AGBL4: variants seen among roughly 807,000 people sequenced by gnomAD.
The protein encoded by AGBL4 is AGBL carboxypeptidase 4.
A neutral mutation model predicts 66.4 loss-of-function variants in AGBL4; 58 were observed. The ratio of observed to expected loss-of-function variants is 0.87; its 90% CI spans 0.71 to 1.09. AGBL4 has a LOEUF of 1.09. Among genes scored for constraint, AGBL4 ranks in the 50% least tolerant of loss-of-function variants. The probability of loss-of-function intolerance (pLI) is 0.00; values close to 1 mark genes in which losing one functional copy is unlikely to be tolerated. For synonymous variants in AGBL4, 234 were observed against 222.9 expected (o/e 1.05, Z -0.44); for missense variants, 579 against 631.0 (o/e 0.92, Z 0.88).
At chr1:49,952,451 T>A (rs1239340273) in intron 1 of AGBL4, among the ~76,000 whole-genome samples, 1 of 151,970 alleles carries the variant, frequency 6.6e-6, no homozygotes, top group Non-Finnish European at 1.5e-5. Flanking sequence ...TATAATTTAC[T>A]AAGGCTTGGC....
intron 3 of AGBL4, among the ~76,000 whole-genome samples, chr1:49,273,854 G>A (rs1164308633): frequency 6.6e-6 from 1 of 151,598 alleles, no homozygotes; most frequent in Admixed American, 6.6e-5. Flanking sequence ...TTTTTGTTTT[G>A]TATTTTTTTA....
At chr1:49,948,582 TAGAG>T (rs71059567) in intron 1 of AGBL4, among the ~76,000 whole-genome samples, 2,690 of 126,862 alleles carry the variant, frequency 0.021, 97 homozygotes, top group African/African-American at 0.07. Context: ...TATATATATA[TAGAG>T]AGAGAGAGAG....
chr1:49,345,279 G>A (rs555206007), intron 3 of AGBL4, among the ~76,000 whole-genome samples: 16 of 152,172 alleles, frequency 1.1e-4, no homozygotes, highest in East Asian at 3.9e-4. Flanking sequence ...TAATTGTTAC[G>A]TTAAATTATC....
chr1:49,489,129 A>G (rs1407118340), intron 3 of AGBL4, among the ~76,000 whole-genome samples: 1 of 151,764 alleles, frequency 6.6e-6, no homozygotes, highest in Admixed American at 6.6e-5. Context: ...TATAGTGTGT[A>G]CTAATTTACA....
intron 3 of AGBL4, among the ~76,000 whole-genome samples, chr1:49,284,148 C>A (rs562037814): frequency 6.6e-6 from 1 of 152,086 alleles, no homozygotes; most frequent in Admixed American, 6.6e-5. Context: ...AAAGGGAAGC[C>A]CATCAGACTA....
intron 2 of AGBL4, among the ~76,000 whole-genome samples, chr1:49,804,987 C>T (rs1472629419): frequency 1.3e-5 from 2 of 152,082 alleles, no homozygotes; most frequent in African/African-American, 4.8e-5. Flanking sequence ...AAGCACATCA[C>T]GGTGTAGACT....
At chr1:49,448,222 T>C (rs1166720424) in intron 3 of AGBL4, among the ~76,000 whole-genome samples, 2 of 152,182 alleles carry the variant, frequency 1.3e-5, no homozygotes, top group East Asian at 1.9e-4. Context: ...TTAACAATTA[T>C]GTATTGGTGC....
chr1:49,012,632 C>A (rs1445241537), intron 5 of AGBL4, among the ~76,000 whole-genome samples: 2 of 152,198 alleles, frequency 1.3e-5, no homozygotes, highest in African/African-American at 4.8e-5. Context: ...GACATGTTAT[C>A]CATAAGCAGG....
chr1:48,701,652 A>G (rs1386108813), intron 6 of AGBL4, among the ~76,000 whole-genome samples: 3 of 152,160 alleles, frequency 2.0e-5, no homozygotes, highest in Non-Finnish European at 4.4e-5. Flanking sequence ...AAAATGCTTT[A>G]AAATTGTTAA....
chr1:48,871,353 T>TTTTGTGTGTGTGTG (rs1553247481), intron 5 of AGBL4, among the ~76,000 whole-genome samples: 7 of 140,978 alleles, frequency 5.0e-5, no homozygotes, highest in Non-Finnish European at 1.1e-4. Context: ...GTAGTAGTGG[T>TTTTGTGTGTGTGTG]TGTGTGTGTG....
In AGBL4 at chr1:49,260,664, C is replaced by T. The variant is rs1000969802; in HGVS notation, c.283-14800G>A. On this transcript the variant is annotated intron_variant, in intron 3 of 13. Transcript: ENST00000371839. ...CAGGCTCTGAAATTGTGGCAAAAATCAATAACTTACCAACCAAAAAGAGTC... is the reference window on the plus strand; with the variant it reads ...CAGGCTCTGAAATTGTGGCAAAAATTAATAACTTACCAACCAAAAAGAGTC... Among the ~76,000 whole-genome samples the T allele has an allele frequency of 1.1e-4, 17 of 152,160 alleles. No homozygotes were observed. The South Asian group carries it at 2.5e-3, about 22-fold the overall frequency.
rs74227989 is a variant in AGBL4 at position 49,125,142 on chromosome 1, A to G, written c.378-79342T>C. Among the ~76,000 whole-genome samples, 449 of 152,342 alleles carry G rather than the reference A, an allele frequency of 2.9e-3. 26 individuals carry two copies. In the East Asian group the frequency reaches 0.073, roughly 25 times the overall value. On this transcript the variant is annotated intron_variant, in intron 4 of 13. Coordinates refer to ENST00000371839, the MANE Select transcript of AGBL4 (RefSeq NM_032785.4). The stretch of plus-strand genomic sequence containing the variant: ...GAAAAAACCTGGGCATTTAATATTC[A>G]ATAGCAATAAAATTTCAGAAAAAAA...
chr1:48,874,823 C>A (rs1649060766), intron 5 of AGBL4, among the ~76,000 whole-genome samples: 1 of 152,094 alleles, frequency 6.6e-6, no homozygotes, highest in Admixed American at 6.5e-5. Context: ...TCTCAAGGCC[C>A]TGAGCTCATG....
intron 4 of AGBL4, among the ~76,000 whole-genome samples, chr1:49,109,830 C>A (rs771841053): frequency 1.3e-5 from 2 of 152,128 alleles, no homozygotes; most frequent in Non-Finnish European, 2.9e-5. Flanking sequence ...TCCAACATCA[C>A]AGATTTTAAC....
At chr1:49,045,506 C>A in intron 5 of AGBL4, 78 bp downstream of exon 5, 1 of 1,266,068 alleles carries the variant, frequency 7.9e-7, no homozygotes. Context: ...ATTTGCATTG[C>A]ATAAAAACCC....
At chr1:49,932,504 C>G (rs1055530319) in intron 1 of AGBL4, among the ~76,000 whole-genome samples, 2 of 152,054 alleles carry the variant, frequency 1.3e-5, no homozygotes, top group African/African-American at 4.8e-5. Flanking sequence ...AATTGATAAA[C>G]TGGACTTAAT....
At chr1:49,206,629 T>C (rs1370966452) in intron 4 of AGBL4, among the ~76,000 whole-genome samples, 1 of 151,898 alleles carries the variant, frequency 6.6e-6, no homozygotes, top group Non-Finnish European at 1.5e-5. Flanking sequence ...GCTTCACCCT[T>C]CCCCCAGTGA....
At chr1:49,916,539 G>T (rs991297190) in intron 1 of AGBL4, among the ~76,000 whole-genome samples, 1 of 152,170 alleles carries the variant, frequency 6.6e-6, no homozygotes, top group African/African-American at 2.4e-5. Flanking sequence ...AGAGAAAAAA[G>T]AGTAAAAAGA....
intron 3 of AGBL4, among the ~76,000 whole-genome samples, chr1:49,460,209 G>A (rs1024953775): frequency 6.6e-6 from 1 of 151,586 alleles, no homozygotes; most frequent in African/African-American, 2.4e-5. Context: ...CACTATTACG[G>A]TGTTGCTATC....
Sources: gnomAD v4.1 joint callset for allele counts (sites outside exome capture counted in the v4.1 genomes callset) on GRCh38, gnomAD v4.1.1 for gene constraint, MANE v1.5 for transcripts, NCBI Gene and HGNC (gene_info 2026-07-23, HGNC 2026-07-21) for gene names.